Variants in ZNF320 observed in about 807,000 individuals in gnomAD.
ZNF320 encodes zinc finger gene 320.
Under a neutral mutation model 6.8 loss-of-function variants are expected in ZNF320, and 2 were observed. The ratio of observed to expected loss-of-function variants is 0.29; its 90% confidence interval spans 0.12 to 0.93. The LOEUF is 0.93. Among genes scored for constraint, ZNF320 ranks in the 40% least tolerant of loss-of-function variants. ZNF320 has a pLI of 0.55. For synonymous variants in ZNF320, 208 were observed against 203.2 expected (o/e 1.02, Z -0.20); for missense variants, 472 against 611.0 (o/e 0.77, Z 2.40).
intron 5 of ZNF320, among the ~76,000 whole-genome samples, chr19:52,884,753 G>C (rs1014950830): frequency 3.9e-5 from 6 of 152,164 alleles, no homozygotes; most frequent in African/African-American, 1.4e-4. Context: ...TGGCCAGTCA[G>C]TCTAAGCTAT....
chr19:52,870,794 T>C (rs2063667507), intron 5 of ZNF320, among the ~76,000 whole-genome samples: 1 of 152,102 alleles, frequency 6.6e-6, no homozygotes, highest in South Asian at 2.1e-4. Context: ...AATGATGTGA[T>C]AAAGCATTCT....
intron 5 of ZNF320, among the ~76,000 whole-genome samples, chr19:52,869,778 C>T (rs34612084): frequency 0.18 from 26,879 of 151,524 alleles, 2,907 homozygotes; most frequent in Non-Finnish European, 0.24. Context: ...TGCAATGGTG[C>T]GATCTCGGCA....
exon 6 of ZNF320, among the ~76,000 whole-genome samples, chr19:52,863,466 A>C (rs1481768818): frequency 1.3e-5 from 2 of 151,958 alleles, no homozygotes; most frequent in Non-Finnish European, 1.5e-5. Flanking sequence ...GCATGGTGGC[A>C]TGTGCCTGCA....
chr19:52,869,590 G>A (rs1230053851), intron 5 of ZNF320, among the ~76,000 whole-genome samples: 1 of 152,136 alleles, frequency 6.6e-6, no homozygotes, highest in Non-Finnish European at 1.5e-5. Flanking sequence ...AGGCTGGAGT[G>A]TAGTGGTGTG....
At chr19:52,867,595 C>T (rs1027957893) in intron 5 of ZNF320, among the ~76,000 whole-genome samples, 1 of 151,950 alleles carries the variant, frequency 6.6e-6, no homozygotes, top group Non-Finnish European at 1.5e-5. Flanking sequence ...AGGACCAGTG[C>T]TTTTATTTTT....
At chr19:52,868,113 T>C (rs954235954) in intron 5 of ZNF320, among the ~76,000 whole-genome samples, 8 of 152,282 alleles carry the variant, frequency 5.3e-5, no homozygotes, top group Middle Eastern at 6.8e-3. Context: ...ATCATCAACA[T>C]TGCTGAAGGC....
chr19:52,901,441 C>T (rs10420520), upstream of ZNF320, among the ~76,000 whole-genome samples: 2,759 of 152,196 alleles, frequency 0.018, 86 homozygotes, highest in African/African-American at 0.063. Context: ...CAGGGCTTGT[C>T]ATCTTCTTCA....
rs534401232 is a variant in ZNF320, at chr19:52,890,354, T to C, written c.-73-26A>G. On this transcript the variant is annotated intron_variant, in intron 3 of 5. Coordinates refer to ENST00000682928, the MANE Select transcript of ZNF320 (RefSeq NM_001351774.2). ...CTAAATGTTAGAAATATGTTGTTTATCACTGAGAATCAACACACCCCCTCC... is the reference window on the plus strand; with the variant it reads ...CTAAATGTTAGAAATATGTTGTTTACCACTGAGAATCAACACACCCCCTCC... 79 of 1,483,780 alleles carry C rather than the reference T, an allele frequency of 5.3e-5. No homozygotes were observed. The African/African-American group carries it at 1.0e-3, about 19-fold the overall frequency. 91.9% of individuals were successfully genotyped at this position (1,483,780 alleles called of 1,614,324 possible).
In ZNF320 at chr19:52,880,929, G is replaced by A. The variant is rs370860662; in HGVS notation, c.1197C>T (p.Tyr399=). The part of the protein sequence containing the change: ...ECGKVFSTKA[Y]LACHQKLHTG... ...TATGAAGTTTTTGATGACATGCGAG[G>A]TACGCTTTTGTACTAAAAACCTTGC... is the stretch of plus-strand genomic sequence containing the variant. Residue 399 remains tyrosine, a synonymous_variant, in exon 6 of 6, where the codon TAC becomes TAT. Coordinates refer to ENST00000682928, the MANE Select transcript of ZNF320 (RefSeq NM_001351774.2). 5.8e-5 allele frequency: 93 copies of A among 1,613,232 alleles called. No individual in the cohort carries two copies. Among genetic ancestry groups the A allele is most frequent in the Non-Finnish European group, 7.8e-5 (92 of 1,179,502 alleles).
intron 2 of ZNF320, among the ~76,000 whole-genome samples, chr19:52,892,581 T>C (rs4801944): frequency 0.26 from 38,964 of 151,920 alleles, 5,563 homozygotes; most frequent in Admixed American, 0.39. Flanking sequence ...TGAAACCCTG[T>C]CTCTACTAAA....
intron 5 of ZNF320, among the ~76,000 whole-genome samples, chr19:52,887,216 C>T (rs1457088858): frequency 6.6e-6 from 1 of 152,076 alleles, no homozygotes; most frequent in Non-Finnish European, 1.5e-5. Context: ...CCTGCGTTTA[C>T]ACCTGTAATA....
upstream of ZNF320, among the ~76,000 whole-genome samples, chr19:52,899,715 T>C (rs1259398840): frequency 1.3e-5 from 2 of 152,172 alleles, no homozygotes; most frequent in Non-Finnish European, 2.9e-5. Flanking sequence ...CCCGCCTCAG[T>C]CTCCCAAAGT....
At chr19:52,892,778 C>T (rs199619406) in intron 2 of ZNF320, among the ~76,000 whole-genome samples, 3 of 151,626 alleles carry the variant, frequency 2.0e-5, no homozygotes, top group African/African-American at 7.3e-5. Flanking sequence ...CTCTCTGGCA[C>T]CCCAGATCCC....
intron 4 of ZNF320, among the ~76,000 whole-genome samples, chr19:52,889,787 A>G (rs1335314222): frequency 6.6e-6 from 1 of 152,196 alleles, no homozygotes; most frequent in Non-Finnish European, 1.5e-5. Flanking sequence ...AATTACCTAA[A>G]AATGTACTAT....
downstream of ZNF320, among the ~76,000 whole-genome samples, chr19:52,859,763 T>C (rs1394425782): frequency 6.6e-6 from 1 of 152,216 alleles, no homozygotes; most frequent in Non-Finnish European, 1.5e-5. Flanking sequence ...AGGTCTTATC[T>C]CTGGGGCTGG....
chr19:52,897,117 C>A (rs550803665), intron 1 of ZNF320, among the ~76,000 whole-genome samples: 5 of 152,354 alleles, frequency 3.3e-5, no homozygotes, highest in South Asian at 4.1e-4. Context: ...CGGGCCCACT[C>A]CCCTCTGTGG....
upstream of ZNF320, among the ~76,000 whole-genome samples, chr19:52,900,161 T>C (rs1181486234): frequency 6.6e-6 from 1 of 152,234 alleles, no homozygotes; most frequent in Non-Finnish European, 1.5e-5. Flanking sequence ...GGGGGCCGTC[T>C]AGTCCTGGTG....
In ZNF320 at chr19:52,868,958, G is replaced by GA. The variant is rs571900759; in HGVS notation, c.224-4800dup. Reference sequence around the variant, plus strand: ...GTGTTGGAGGGGAGGGGCTCACGGGGAAATTGGGGTGTTCACTTTTACAAA... The same window carrying GA: ...GTGTTGGAGGGGAGGGGCTCACGGGGAAAATTGGGGTGTTCACTTTTACAAA... On this transcript the variant is annotated intron_variant, in intron 5 of 5. Transcript: ENST00000673631. Among the ~76,000 whole-genome samples, 321 of 152,160 alleles carry GA rather than the reference G, an allele frequency of 2.1e-3. 1 individual carries two copies. Among genetic ancestry groups the GA allele is most frequent in the African/African-American group, 7.4e-3 (306 of 41,494 alleles).
chr19:52,887,230 T>C (rs1352498305), intron 5 of ZNF320, among the ~76,000 whole-genome samples: 1 of 152,030 alleles, frequency 6.6e-6, no homozygotes, highest in African/African-American at 2.4e-5. Context: ...TGTAATACAT[T>C]CCCACCCATC....
Sources: gnomAD v4.1 joint callset for allele counts (sites outside exome capture counted in the v4.1 genomes callset) on GRCh38, gnomAD v4.1.1 for gene constraint, MANE v1.5 for transcripts, NCBI Gene and HGNC (gene_info 2026-07-23, HGNC 2026-07-21) for gene names.